Variants in ETFDH observed in about 807,000 individuals in gnomAD.
The protein encoded by ETFDH is electron transfer flavoprotein-ubiquinone oxidoreductase, mitochondrial.
Under a neutral mutation model 73.2 loss-of-function variants are expected in ETFDH, and 61 were observed. The ratio of observed to expected loss-of-function variants is 0.83; its 90% confidence interval spans 0.68 to 1.03. ETFDH has a LOEUF of 1.03. Ranked by LOEUF, ETFDH falls within the 50% of genes least tolerant of loss-of-function variation. The probability of loss-of-function intolerance (pLI) is 0.00; values close to 1 mark genes in which losing one functional copy is unlikely to be tolerated. For missense variants in ETFDH, 685 were observed against 745.0 expected, an observed-to-expected ratio of 0.92 and a Z score of 0.94; for synonymous variants, 243 against 253.3, an observed-to-expected ratio of 0.96 and a Z score of 0.39.
chr4:158,673,308 AAAATT>A (rs1165959156), intron 1 of ETFDH, among the ~76,000 whole-genome samples: 8 of 152,326 alleles, frequency 5.3e-5, no homozygotes, highest in Non-Finnish European at 1.2e-4. Context: ...GTCTCAAAAA[AAAATT>A]AAATTAAATT....
intron 3 of ETFDH, among the ~76,000 whole-genome samples, chr4:158,683,971 T>G (rs993608123): frequency 1.1e-4 from 16 of 152,106 alleles, no homozygotes; most frequent in Admixed American, 9.2e-4. Flanking sequence ...AAGTTTCAAC[T>G]TAAGAGCCAA....
chr4:158,706,281 G>A lies in ETFDH; in HGVS notation c.1378G>A (p.Gly460Arg), dbSNP rs989125087. Residue 460 changes from glycine (G) to arginine (R), a missense_variant, in exon 11 of 13, where the codon GGA becomes AGA. Gly to Arg is a moderately radical substitution (Grantham distance 125, BLOSUM62 -2). Coordinates refer to ENST00000511912, the MANE Select transcript of ETFDH (RefSeq NM_004453.4). ...SVRNIRPSCH[G>R]VLGVYGGMIY... Reference sequence around the variant, plus strand: ...TAGAAATATAAGACCGTCCTGCCACGGAGTACTGGGTGTATATGGAGGGAT... The same window carrying A: ...TAGAAATATAAGACCGTCCTGCCACAGAGTACTGGGTGTATATGGAGGGAT... 1.2e-6 allele frequency: 2 copies of A among 1,611,400 alleles called. No homozygotes were observed. Among genetic ancestry groups the A allele is most frequent in the African/African-American group, 2.7e-5 (2 of 74,840 alleles).
chr4:158,679,226 A>G lies in ETFDH; in HGVS notation c.35-1241A>G, dbSNP rs985089277. 7.2e-5 allele frequency: 11 copies of G among 151,994 alleles called. No individual in the cohort carries two copies. The East Asian group carries it at 1.9e-3, about 27-fold the overall frequency. 9.4% of individuals were successfully genotyped at this position (151,994 alleles called of 1,614,324 possible). A position where few individuals can be genotyped will look rare whatever the true frequency, so the allele number is the denominator to read the frequency against. On this transcript the variant is annotated intron_variant, in intron 1 of 12. Coordinates refer to ENST00000511912, the MANE Select transcript of ETFDH (RefSeq NM_004453.4). Reference sequence around the variant, plus strand: ...ACTTCTAATGAATATAGCTTCAAATATAAGTTTCTATATCTGTCAAGAGTG... The same window carrying G: ...ACTTCTAATGAATATAGCTTCAAATGTAAGTTTCTATATCTGTCAAGAGTG...
chr4:158,688,672 C>G (rs66844789), intron 5 of ETFDH, among the ~76,000 whole-genome samples: 22,418 of 150,822 alleles, frequency 0.15, 1,894 homozygotes, highest in Admixed American at 0.22. Flanking sequence ...GAGTCCATCT[C>G]AAAAAAACAA....
At chr4:158,689,086 A>G (rs1295905698) in intron 5 of ETFDH, among the ~76,000 whole-genome samples, 1 of 152,202 alleles carries the variant, frequency 6.6e-6, no homozygotes, top group Admixed American at 6.5e-5. Flanking sequence ...ACTGCCATGT[A>G]TCTCAGAGAG....
intron 8 of ETFDH, among the ~76,000 whole-genome samples, chr4:158,697,903 T>A (rs1455043349): frequency 6.6e-6 from 1 of 152,246 alleles, no homozygotes; most frequent in Non-Finnish European, 1.5e-5. Context: ...GCTGCTACAC[T>A]CCAGGCACTG....
chr4:158,696,699 T>A (rs1774316527), intron 7 of ETFDH, among the ~76,000 whole-genome samples: 1 of 152,200 alleles, frequency 6.6e-6, no homozygotes, highest in African/African-American at 2.4e-5. Context: ...GTTCAGAATT[T>A]AAAATTTACC....
chr4:158,680,182 G>A (rs111589400), intron 1 of ETFDH: 31 of 241,890 alleles, frequency 1.3e-4, no homozygotes, highest in African/African-American at 5.5e-4. Flanking sequence ...GACCTAACAC[G>A]GTGATTATAC....
chr4:158,686,576 A>G (rs1240056363), intron 5 of ETFDH, among the ~76,000 whole-genome samples: 1 of 152,146 alleles, frequency 6.6e-6, no homozygotes, highest in Admixed American at 6.5e-5. Flanking sequence ...CTGGAGCAGA[A>G]CTCCTCTGGA....
rs2126314578 is a variant in ETFDH at position 158,706,179 on chromosome 4, T to C, written c.1286-10T>C. The stretch of plus-strand genomic sequence containing the variant: ...GTTTCGCACTTAACATTTCATGTTT[T>C]TAATAAAAGGACTCCATGTAACTGA... On this transcript the variant is annotated splice_polypyrimidine_tract_variant and intron_variant, in intron 10 of 12. Transcript: ENST00000511912. 6.3e-7 allele frequency: 1 copy of C among 1,591,132 alleles called. No homozygotes were observed. The highest frequency in any genetic ancestry group is 8.6e-7 in the Non-Finnish European group (1 of 1,159,008).
chr4:158,682,528 A>G (rs1773890723), intron 3 of ETFDH, 104 bp downstream of exon 3: 2 of 887,824 alleles, frequency 2.3e-6, no homozygotes, highest in Non-Finnish European at 1.7e-6. Context: ...ATGTAACTCT[A>G]TCTTTTTTTT....
chr4:158,697,129 C>G (rs892671463), intron 7 of ETFDH, among the ~76,000 whole-genome samples: 11 of 151,654 alleles, frequency 7.3e-5, no homozygotes, highest in African/African-American at 2.7e-4. Flanking sequence ...GAGTCATGCT[C>G]TCTCACCCAG....
At chr4:158,706,561 C>T in intron 11 of ETFDH, 68 bp from the exon 12 acceptor site, 1 of 1,366,222 alleles carries the variant, frequency 7.3e-7, no homozygotes. Flanking sequence ...AGTTTTTATA[C>T]AAATAGGCTT....
In ETFDH at chr4:158,690,430, A is replaced by C; in HGVS notation, c.684+5A>C. 2 of 1,516,718 alleles carry C rather than the reference A, an allele frequency of 1.3e-6. No homozygotes were observed. The highest frequency in any genetic ancestry group is 9.2e-7 in the Non-Finnish European group (1 of 1,091,124). The allele number at this position is 1,516,718 out of a possible 1,614,324, so 94.0% of individuals were successfully genotyped here. Reference sequence around the variant, plus strand: ...CAAAAGGATGGTGCACCAAAGGTAAACCTTTTTAATAGTTACGTGCTTAAT... The same window carrying C: ...CAAAAGGATGGTGCACCAAAGGTAACCCTTTTTAATAGTTACGTGCTTAAT... On this transcript the variant is annotated splice_donor_5th_base_variant and intron_variant, in intron 6 of 12. Transcript: ENST00000511912.
chr4:158,684,796 C>G (rs1315710228), intron 4 of ETFDH, 123 bp downstream of exon 4: 3 of 728,096 alleles, frequency 4.1e-6, no homozygotes, highest in Non-Finnish European at 7.6e-6. Context: ...GAAGGACTTA[C>G]TCAAAGCTAT....
intron 7 of ETFDH, among the ~76,000 whole-genome samples, chr4:158,696,694 G>A (rs577452197): frequency 6.6e-6 from 1 of 152,220 alleles, no homozygotes; most frequent in South Asian, 2.1e-4. Flanking sequence ...AAATTGTTCA[G>A]AATTTAAAAT....
chr4:158,706,317 G>A lies in ETFDH; in HGVS notation c.1414G>A (p.Gly472Arg), dbSNP rs746598421. The stretch of plus-strand genomic sequence containing the variant: ...TGTATATGGAGGGATGATTTACACT[G>A]GAATCTTTTACTGGATATTGAGAGG... ...LGVYGGMIYT[G>R]IFYWILRGME... Residue 472 changes from glycine (G) to arginine (R), a missense_variant, in exon 11 of 13, where the codon GGA becomes AGA. Gly to Arg is a moderately radical substitution (Grantham distance 125). Coordinates refer to ENST00000511912, the MANE Select transcript of ETFDH (RefSeq NM_004453.4). The A allele has an allele frequency of 1.3e-5, 21 of 1,613,344 alleles. No homozygotes were observed. In the South Asian group the frequency reaches 2.2e-4, roughly 17 times the overall value.
intron 5 of ETFDH, among the ~76,000 whole-genome samples, chr4:158,688,629 C>T (rs192304730): frequency 2.7e-5 from 4 of 150,778 alleles, no homozygotes; most frequent in African/African-American, 7.3e-5. Context: ...GTCGAGATCA[C>T]GCCACTGCAC....
chr4:158,680,671 G>A, intron 2 of ETFDH, 64 bp downstream of exon 2: 6 of 1,333,438 alleles, frequency 4.5e-6, no homozygotes, highest in Non-Finnish European at 6.5e-6. Context: ...ATTTTGTGGA[G>A]GAGAGTATTA....
Sources: allele counts gnomAD v4.1 joint callset (sites outside exome capture counted in the v4.1 genomes callset), GRCh38; gene constraint gnomAD v4.1.1; transcripts MANE v1.5; gene names NCBI Gene and HGNC (gene_info 2026-07-23, HGNC 2026-07-21).